Variants in DLG1 observed in about 807,000 individuals in gnomAD.
DLG1 encodes the protein disks large homolog 1.
In DLG1, 42 loss-of-function variants were observed where a neutral mutation model predicts 123.4. The observed-to-expected ratio is 0.34, with a 90% CI of 0.27 to 0.44. The LOEUF is 0.44. DLG1 is among the 20% of genes least tolerant of loss of function. The pLI is 1.00. For synonymous variants in DLG1, 317 were observed against 356.2 expected (o/e 0.89, Z 1.24); for missense variants, 942 against 1,082.6 (o/e 0.87, Z 1.82).
Position 197,044,160 on chromosome 3 carries a change from G to A in DLG1, c.*463C>T, listed in dbSNP as rs1010483246. 1.3e-5 allele frequency: 2 copies of A among 152,350 alleles called. No homozygotes were observed. The highest frequency in any genetic ancestry group is 4.8e-5 in the African/African-American group (2 of 41,434). 9.4% of individuals were successfully genotyped at this position (152,350 alleles called of 1,614,324 possible). ...ATTGCTTTGATGATAGAAGTTGATT[G>A]AGAAAAGGACTTGAGAGTAATACAC... On this transcript the variant is annotated 3_prime_UTR_variant, in exon 25 of 25. Coordinates refer to ENST00000667157, the MANE Select transcript of DLG1 (RefSeq NM_001366207.1).
intron 18 of DLG1, 41 bp from the exon 19 acceptor site, chr3:197,069,301 T>A (rs938493541): frequency 2.1e-6 from 3 of 1,442,812 alleles, no homozygotes; most frequent in Non-Finnish European, 2.8e-6. Context: ...AACAGTGTCA[T>A]GAGTTTAAAA....
Position 197,159,251 on chromosome 3 carries a change from AAG to A in DLG1, c.484-9457_484-9456del, listed in dbSNP as rs1197834285. The stretch of plus-strand genomic sequence containing the variant: ...TAATAAGCATAATTCTGATTTGTAG[AAG>A]ACTTTCATAAAGTACAAACAATATG... On this transcript the variant is annotated intron_variant, in intron 5 of 24. Coordinates refer to ENST00000667157, the MANE Select transcript of DLG1 (RefSeq NM_001366207.1). Among the ~76,000 whole-genome samples the A allele has an allele frequency of 7.9e-5, 12 of 152,324 alleles. No individual in the cohort carries two copies. In the East Asian group the frequency reaches 1.3e-3, roughly 17 times the overall value.
intron 18 of DLG1, chr3:197,069,491 A>G (rs954147323): frequency 1.2e-5 from 4 of 331,730 alleles, no homozygotes; most frequent in Non-Finnish European, 2.2e-5. Context: ...TTTATGAACA[A>G]ATCTATTATA....
Position 197,059,932 on chromosome 3 carries a change from G to T in DLG1, c.2440C>A (p.Pro814Thr). ...TTGGGTTTAATAAAAATGGAGATAG[G>T]GTAAAGCTGTGCAATCTGTAATCTC... The part of the protein sequence containing the change: ...IKRLQIAQLY[P>T]ISIFIKPKSM... Residue 814 changes from proline to threonine, a missense_variant, in exon 23 of 25, where the codon CCT becomes ACT. Physicochemically the swap from Pro to Thr is conservative, Grantham distance 38. Transcript: ENST00000667157. 4 of 1,613,644 alleles carry T rather than the reference G, an allele frequency of 2.5e-6. No individual in the cohort carries two copies. The highest frequency in any genetic ancestry group is 2.5e-6 in the Non-Finnish European group (3 of 1,179,792).
intron 4 of DLG1, among the ~76,000 whole-genome samples, chr3:197,253,674 T>C (rs1755495977): frequency 6.6e-6 from 1 of 152,242 alleles, no homozygotes; most frequent in Non-Finnish European, 1.5e-5. Context: ...GATCAGTGGT[T>C]GCTTTGAGTT....
intron 4 of DLG1, among the ~76,000 whole-genome samples, chr3:197,233,873 G>C (rs761528273): frequency 7.9e-5 from 12 of 152,224 alleles, no homozygotes; most frequent in Non-Finnish European, 1.6e-4. Flanking sequence ...CATACAGTTT[G>C]CTTCAGGCTT....
chr3:197,053,774 TAAAA>T (rs35792548), intron 23 of DLG1, among the ~76,000 whole-genome samples: 1 of 97,314 alleles, frequency 1.0e-5, no homozygotes, highest in Non-Finnish European at 2.1e-5. Context: ...CCCTGTCTCA[TAAAA>T]AAAAAAAAAA....
intron 14 of DLG1, 58 bp from the exon 15 acceptor site, chr3:197,091,084 G>A: frequency 8.6e-7 from 1 of 1,165,702 alleles, no homozygotes; most frequent in South Asian, 1.3e-5. Context: ...GTTATTTGAA[G>A]ATAACGTATT....
chr3:197,285,286 T>A (rs958203687), intron 3 of DLG1, among the ~76,000 whole-genome samples: 3 of 151,864 alleles, frequency 2.0e-5, no homozygotes, highest in African/African-American at 7.3e-5. Flanking sequence ...TACATAATCT[T>A]AAACAGAGAA....
At position 197,248,321 on chromosome 3, in the gene DLG1, C is replaced by T. The variant is rs139657024; in HGVS notation, c.318+34358G>A. The stretch of plus-strand genomic sequence containing the variant: ...GTTGCTGCGGTATCTACTTGTAGGA[C>T]TTTTCTTCCCGGGTTTATTCGTCAT... On this transcript the variant is annotated intron_variant, in intron 4 of 24. Coordinates refer to ENST00000667157, the MANE Select transcript of DLG1 (RefSeq NM_001366207.1). 1.5e-3 allele frequency among the ~76,000 whole-genome samples: 224 copies of T among 152,254 alleles called. 1 individual carries two copies. The highest frequency in any genetic ancestry group is 5.2e-3 in the African/African-American group (214 of 41,540).
rs370433327 is a variant in DLG1, at chr3:197,104,894, T to C, written c.1546+9A>G. 1.7e-4 allele frequency: 274 copies of C among 1,575,756 alleles called. No homozygotes were observed. The highest frequency in any genetic ancestry group is 1.8e-4 in the Non-Finnish European group (207 of 1,146,654). ...AAGCAATAACTATAGACAATAAGAA[T>C]GTTATTACCTTCAGGTCGATATTGT... On this transcript the variant is annotated intron_variant, in intron 14 of 24. Coordinates refer to ENST00000667157, the MANE Select transcript of DLG1 (RefSeq NM_001366207.1).
chr3:197,232,086 A>G (rs1299472710), intron 4 of DLG1, among the ~76,000 whole-genome samples: 5 of 152,210 alleles, frequency 3.3e-5, no homozygotes, highest in Admixed American at 2.0e-4. Flanking sequence ...CTATTTATAA[A>G]TCTGTTCTAA....
Position 197,232,268 on chromosome 3 carries a change from A to AG in DLG1, c.319-37680dup, listed in dbSNP as rs562421217. ...GTAATCCCAGCACTTTGGGAGGCTGAGGGGGGAAGACAACTGAGCACAGGA... is the reference window on the plus strand; with the variant it reads ...GTAATCCCAGCACTTTGGGAGGCTGAGGGGGGGAAGACAACTGAGCACAGGA... On this transcript the variant is annotated intron_variant, in intron 4 of 24. Coordinates refer to ENST00000667157, the MANE Select transcript of DLG1 (RefSeq NM_001366207.1). 5.5e-4 allele frequency among the ~76,000 whole-genome samples: 82 copies of AG among 149,720 alleles called. 1 individual carries two copies. Among genetic ancestry groups the AG allele is most frequent in the African/African-American group, 1.9e-3 (78 of 40,672 alleles).
chr3:197,105,311 C>A (rs888574565), intron 13 of DLG1, among the ~76,000 whole-genome samples: 8 of 152,090 alleles, frequency 5.3e-5, no homozygotes, highest in Admixed American at 3.3e-4. Context: ...CCTGAAAAAT[C>A]AAGTGGCATC....
intron 4 of DLG1, among the ~76,000 whole-genome samples, chr3:197,264,865 C>G (rs575030575): frequency 3.3e-5 from 5 of 152,308 alleles, no homozygotes; most frequent in African/African-American, 1.2e-4. Context: ...ACTTGTAGTG[C>G]TCATTCACAG....
chr3:197,275,865 A>G (rs1766173724), intron 4 of DLG1, among the ~76,000 whole-genome samples: 1 of 152,266 alleles, frequency 6.6e-6, no homozygotes, highest in Non-Finnish European at 1.5e-5. Flanking sequence ...CAAAATAGCT[A>G]GAAGAGAAAA....
intron 5 of DLG1, among the ~76,000 whole-genome samples, chr3:197,154,468 G>C (rs1795424989): frequency 6.6e-6 from 1 of 152,020 alleles, no homozygotes; most frequent in Admixed American, 6.5e-5. Context: ...TAGGTCAGGA[G>C]ATCGAGACCA....
chr3:197,172,656 C>T (rs1353738185), intron 5 of DLG1, among the ~76,000 whole-genome samples: 1 of 152,176 alleles, frequency 6.6e-6, no homozygotes. Flanking sequence ...TACCCACTTT[C>T]ATGCAATATA....
intron 5 of DLG1, among the ~76,000 whole-genome samples, chr3:197,156,089 C>G (rs903406715): frequency 6.6e-6 from 1 of 152,040 alleles, no homozygotes; most frequent in Non-Finnish European, 1.5e-5. Context: ...ATTTAAGAAA[C>G]GAACGCATTA....
Sources: allele counts gnomAD v4.1 joint callset (sites outside exome capture counted in the v4.1 genomes callset), GRCh38; gene constraint gnomAD v4.1.1; transcripts MANE v1.5; gene names NCBI Gene and HGNC (gene_info 2026-07-23, HGNC 2026-07-21).